SEMA3D: variants seen among roughly 807,000 people sequenced by gnomAD.
SEMA3D encodes semaphorin 3D.
A neutral mutation model predicts 100.1 loss-of-function variants in SEMA3D; 84 were observed. That is an observed-to-expected ratio of 0.84 (90% CI 0.70 to 1.01). The LOEUF is 1.01. SEMA3D is among the 50% of genes least tolerant of loss of function. The pLI is 0.00. For synonymous variants in SEMA3D, 312 were observed against 320.7 expected, an observed-to-expected ratio of 0.97 and a Z score of 0.29; for missense variants, 875 against 934.1, an observed-to-expected ratio of 0.94 and a Z score of 0.82.
the SEMA3D span, among the ~76,000 whole-genome samples, chr7:85,244,704 CA>C: frequency 3.5e-4 from 49 of 140,356 alleles, no homozygotes; most frequent in African/African-American, 1.3e-3. Context: ...ATGTACTGCA[CA>C]ATCTTTTTTT....
intron 8 of SEMA3D, among the ~76,000 whole-genome samples, chr7:85,062,154 G>A (rs778073132): frequency 3.3e-5 from 5 of 152,198 alleles, no homozygotes; most frequent in Non-Finnish European, 7.3e-5. Context: ...TCCGCTAGCT[G>A]TTTAACTATG....
chr7:85,084,101 C>G (rs1481135244), intron 4 of SEMA3D, among the ~76,000 whole-genome samples: 1 of 151,502 alleles, frequency 6.6e-6, no homozygotes, highest in South Asian at 2.1e-4. Flanking sequence ...GAGAGGAGAT[C>G]GCGCCACTGC....
In SEMA3D at chr7:85,097,891, CT is replaced by C; in HGVS notation, c.225del (p.Asp76MetfsTer23). 1 of 1,609,202 alleles carries C rather than the reference CT, an allele frequency of 6.2e-7. No individual in the cohort carries two copies. Among genetic ancestry groups the C allele is most frequent in the Non-Finnish European group, 8.5e-7 (1 of 1,176,810 alleles). On this transcript the variant is annotated frameshift_variant, in exon 4 of 19. Transcript: ENST00000284136. LOFTEE classifies it high-confidence loss of function. Reference protein sequence around the residue: ...SEGLDFQTLLLDEERGRLLLG... With the variant: ...SEGLDFQTLLXDEERGRLLLG... ...AAGAGCAGCCTGCCTCTTTCCTCATCTAAGAGAAGAGTTTGAAAATCCAGTC... is the reference window on the plus strand; with the variant it reads ...AAGAGCAGCCTGCCTCTTTCCTCATCAAGAGAAGAGTTTGAAAATCCAGTC...
chr7:85,116,382 A>G (rs1789246712), intron 3 of SEMA3D, among the ~76,000 whole-genome samples: 1 of 146,342 alleles, frequency 6.8e-6, no homozygotes, highest in African/African-American at 2.5e-5. Context: ...ATATTTATAT[A>G]AATATATACA....
rs1368282438 is a variant in SEMA3D at position 85,157,126 on chromosome 7, TA to T, written c.-172-3388del. Among the ~76,000 whole-genome samples the T allele has an allele frequency of 4.6e-5, 7 of 151,394 alleles. No homozygotes were observed. The East Asian group carries it at 5.8e-4, about 13-fold the overall frequency. On this transcript the variant is annotated intron_variant, in intron 1 of 18. Coordinates refer to ENST00000284136, the MANE Select transcript of SEMA3D (RefSeq NM_001384900.1). ...GCACAGCCTACCTTTTTAGTCTGTT[TA>T]AAAAAAAATAGACCTAGGGTTTTAT...
intron 17 of SEMA3D, among the ~76,000 whole-genome samples, chr7:85,008,122 TG>T (rs1412045513): frequency 6.6e-6 from 1 of 151,826 alleles, no homozygotes; most frequent in Admixed American, 6.6e-5. Context: ...GAAAGATCAC[TG>T]GTGCCAGTCA....
intron 1 of SEMA3D, among the ~76,000 whole-genome samples, chr7:85,158,070 C>T (rs903046946): frequency 2.6e-5 from 4 of 152,066 alleles, no homozygotes; most frequent in Admixed American, 2.0e-4. Context: ...ATGTATGTCA[C>T]CTCAGGACCG....
intron 13 of SEMA3D, among the ~76,000 whole-genome samples, chr7:85,020,727 T>C (rs1014107148): frequency 2.0e-5 from 3 of 151,558 alleles, no homozygotes; most frequent in African/African-American, 4.8e-5. Context: ...TAAGTAGTTA[T>C]TATATCCAAT....
chr7:85,207,601 T>A, the SEMA3D span, among the ~76,000 whole-genome samples: 13 of 152,098 alleles, frequency 8.5e-5, no homozygotes, highest in African/African-American at 2.4e-4. Context: ...TTCAGAATTT[T>A]AAAAAATTTT....
chr7:85,033,103 T>C (rs1404080086), intron 12 of SEMA3D, among the ~76,000 whole-genome samples: 1 of 152,100 alleles, frequency 6.6e-6, no homozygotes, highest in African/African-American at 2.4e-5. Context: ...GCTTTTGTTT[T>C]CCCAAGTTGT....
At position 85,065,570 on chromosome 7, in the gene SEMA3D, G is replaced by T; in HGVS notation, c.590-18C>A. 6.2e-7 allele frequency: 1 copy of T among 1,608,804 alleles called. No individual in the cohort carries two copies. The highest frequency in any genetic ancestry group is 8.5e-7 in the Non-Finnish European group (1 of 1,175,670). On this transcript the variant is annotated intron_variant, in intron 7 of 18. Transcript: ENST00000284136. ...GTACTCATCTGAGAGGGAGAAAAAA[G>T]TACACAGAACTTTTAAGAGTACAGC...
rs1789585181 is a variant in SEMA3D at position 84,999,281 on chromosome 7, C to A, written c.*159G>T. On this transcript the variant is annotated 3_prime_UTR_variant, in exon 19 of 19. Transcript: ENST00000284136. ...AAACTGGTTCAAATGAATTTTTTGCCCTTTCTTATATTCATCACATATTGT... is the reference window on the plus strand; with the variant it reads ...AAACTGGTTCAAATGAATTTTTTGCACTTTCTTATATTCATCACATATTGT... The A allele has an allele frequency of 1.7e-6, 1 of 605,652 alleles. No individual in the cohort carries two copies. Among genetic ancestry groups the A allele is most frequent in the Non-Finnish European group, 2.8e-6 (1 of 360,354 alleles). 37.5% of individuals were successfully genotyped at this position (605,652 alleles called of 1,614,324 possible). A position where few individuals can be genotyped will look rare whatever the true frequency, so the allele number is the denominator to read the frequency against.
intron 1 of SEMA3D, among the ~76,000 whole-genome samples, chr7:85,155,951 T>C (rs1227332767): frequency 6.6e-6 from 1 of 152,152 alleles, no homozygotes; most frequent in Non-Finnish European, 1.5e-5. Context: ...ATTCCAAATG[T>C]GCACTGGCCT....
chr7:85,140,550 G>C (rs1368297763), intron 2 of SEMA3D: 2 of 981,978 alleles, frequency 2.0e-6, no homozygotes, highest in Non-Finnish European at 2.4e-6. Context: ...ACAAATTTCT[G>C]TCCAACATTT....
chr7:85,151,308 T>C (rs900821149), intron 2 of SEMA3D, among the ~76,000 whole-genome samples: 2 of 152,070 alleles, frequency 1.3e-5, no homozygotes, highest in Non-Finnish European at 2.9e-5. Flanking sequence ...CTTTTTTCAT[T>C]CTTCACTTTG....
At chr7:85,148,917 A>C (rs1583968635) in intron 2 of SEMA3D, among the ~76,000 whole-genome samples, 1 of 152,088 alleles carries the variant, frequency 6.6e-6, no homozygotes, top group African/African-American at 2.4e-5. Context: ...GCTTTTAAAC[A>C]GGTTAAGCTT....
intron 2 of SEMA3D, among the ~76,000 whole-genome samples, chr7:85,130,940 G>C (rs533043577): frequency 6.6e-5 from 10 of 152,166 alleles, no homozygotes; most frequent in African/African-American, 2.4e-4. Flanking sequence ...TAACCATACT[G>C]TGGCTCATGT....
chr7:85,072,080 G>A (rs1430589053), intron 6 of SEMA3D, among the ~76,000 whole-genome samples: 1 of 152,142 alleles, frequency 6.6e-6, no homozygotes, highest in African/African-American at 2.4e-5. Flanking sequence ...AATGACACTG[G>A]CTTTATTAAG....
chr7:85,222,741 G>A, the SEMA3D span, among the ~76,000 whole-genome samples: 2 of 151,980 alleles, frequency 1.3e-5, no homozygotes, highest in Non-Finnish European at 2.9e-5. Flanking sequence ...CAAAGAATGC[G>A]ACCCTCAGCC....
Sources: gnomAD v4.1 joint callset for allele counts (sites outside exome capture counted in the v4.1 genomes callset) on GRCh38, gnomAD v4.1.1 for gene constraint, MANE v1.5 for transcripts, NCBI Gene and HGNC (gene_info 2026-07-23, HGNC 2026-07-21) for gene names.